PACRGL: variants seen among roughly 807,000 people sequenced by gnomAD.
The protein encoded by PACRGL is parkin coregulated like.
In PACRGL, 38 loss-of-function variants were observed where a neutral mutation model predicts 34.5. The observed-to-expected ratio is 1.10, with a 90% CI of 0.85 to 1.44. The LOEUF is 1.44. Ranked by LOEUF, PACRGL falls within the 40% of genes most tolerant of loss-of-function variation. The pLI, the probability that PACRGL is intolerant of heterozygous loss-of-function variation, is 0.00. For synonymous variants in PACRGL, 128 were observed against 100.1 expected, an observed-to-expected ratio of 1.28 and a Z score of -1.66; for missense variants, 305 against 281.4, an observed-to-expected ratio of 1.08 and a Z score of -0.60.
chr4:20,740,520 A>G (rs1750807241), intron 8 of PACRGL, among the ~76,000 whole-genome samples: 1 of 152,230 alleles, frequency 6.6e-6, no homozygotes, highest in South Asian at 2.1e-4. Flanking sequence ...AGACAAGCAA[A>G]TGCTGAGAGA....
chr4:20,726,247 C>G (rs1745572443), intron 8 of PACRGL, among the ~76,000 whole-genome samples: 1 of 152,036 alleles, frequency 6.6e-6, no homozygotes, highest in Admixed American at 6.6e-5. Context: ...GAACACAGAG[C>G]TGTAGTTGAG....
intron 8 of PACRGL, among the ~76,000 whole-genome samples, chr4:20,744,610 C>A (rs1307847585): frequency 1.3e-5 from 2 of 151,542 alleles, no homozygotes; most frequent in Non-Finnish European, 2.9e-5. Flanking sequence ...CACACGGGGG[C>A]CTGATGAGGG....
downstream of PACRGL, among the ~76,000 whole-genome samples, chr4:20,734,347 T>TTCTA (rs1439577779): frequency 6.6e-6 from 1 of 152,156 alleles, no homozygotes; most frequent in African/African-American, 2.4e-5. Flanking sequence ...TACATTTTCT[T>TTCTA]TCTATCTGAT....
downstream of PACRGL, among the ~76,000 whole-genome samples, chr4:20,735,154 A>G (rs984855488): frequency 6.6e-6 from 1 of 152,252 alleles, no homozygotes; most frequent in East Asian, 1.9e-4. Flanking sequence ...TCCATAAAAG[A>G]TAAACCAATT....
intron 5 of PACRGL, among the ~76,000 whole-genome samples, chr4:20,710,773 G>A (rs1305347204): frequency 6.6e-6 from 1 of 151,980 alleles, no homozygotes; most frequent in Non-Finnish European, 1.5e-5. Flanking sequence ...ACTCTCTTAA[G>A]AGTAAACTAA....
intron 7 of PACRGL, among the ~76,000 whole-genome samples, chr4:20,715,945 T>G (rs2149124002): frequency 6.6e-6 from 1 of 152,348 alleles, no homozygotes; most frequent in Middle Eastern, 3.4e-3. Context: ...ACTATGAATG[T>G]AAGCAGTGCC....
chr4:20,724,409 A>G (rs990759959), intron 7 of PACRGL, among the ~76,000 whole-genome samples: 4 of 152,188 alleles, frequency 2.6e-5, no homozygotes, highest in Non-Finnish European at 5.9e-5. Flanking sequence ...TCCCCAGGGC[A>G]TTCACTCTTA....
intron 8 of PACRGL, chr4:20,749,641 T>C (rs761164144): frequency 2.6e-6 from 4 of 1,534,260 alleles, no homozygotes; most frequent in Admixed American, 1.7e-5. Flanking sequence ...TCAAATGATA[T>C]GAAAATAATC....
In PACRGL at chr4:20,731,461, TAC is replaced by T. The variant is rs1748183960; in HGVS notation, c.*4121_*4122del. 1.0e-6 allele frequency: 1 copy of T among 985,190 alleles called. No individual in the cohort carries two copies. The highest frequency in any genetic ancestry group is 1.7e-5 in the African/African-American group (1 of 57,252). 61.0% of individuals were successfully genotyped at this position (985,190 alleles called of 1,614,324 possible). ...ACTGGTTTCTTTGATAACAGGCTACTACCTGGAGTTCTCTTCAGAGAAAATTT... is the reference window on the plus strand; with the variant it reads ...ACTGGTTTCTTTGATAACAGGCTACTCTGGAGTTCTCTTCAGAGAAAATTT... On this transcript the variant is annotated 3_prime_UTR_variant, in exon 9 of 9. Coordinates refer to ENST00000503585, the MANE Select transcript of PACRGL (RefSeq NM_001258345.3).
At chr4:20,719,624 A>C (rs541232134) in intron 7 of PACRGL, among the ~76,000 whole-genome samples, 1 of 152,260 alleles carries the variant, frequency 6.6e-6, no homozygotes, top group East Asian at 1.9e-4. Flanking sequence ...TTCAGTTTCC[A>C]TGTAGTTGAG....
intron 7 of PACRGL, among the ~76,000 whole-genome samples, chr4:20,714,717 C>T (rs1738979566): frequency 2.0e-5 from 3 of 152,000 alleles, no homozygotes; most frequent in South Asian, 2.1e-4. Context: ...ATCAAAACCA[C>T]AATGAGATAC....
At chr4:20,707,690 T>C (rs1735165744) in intron 3 of PACRGL, 113 bp from the exon 4 acceptor site, 5 of 780,994 alleles carry the variant, frequency 6.4e-6, no homozygotes, top group Non-Finnish European at 1.1e-5. Flanking sequence ...ACTGTGTTGC[T>C]GAGTAGAAAC....
chr4:20,758,856 A>T, the PACRGL span: 2 of 1,613,394 alleles, frequency 1.2e-6, no homozygotes, highest in Admixed American at 3.3e-5. Flanking sequence ...AATCTCTTTG[A>T]AGGTTTCTTC....
At chr4:20,724,945 A>G in intron 8 of PACRGL, 57 bp downstream of exon 8, 1 of 948,724 alleles carries the variant, frequency 1.1e-6, no homozygotes, top group Non-Finnish European at 1.5e-6. Context: ...GTATTACTAA[A>G]TTGACATATA....
chr4:20,733,619 TTGAGA>T (rs1748884831), downstream of PACRGL, among the ~76,000 whole-genome samples: 1 of 152,188 alleles, frequency 6.6e-6, no homozygotes, highest in Non-Finnish European at 1.5e-5. Flanking sequence ...GGCAGAATTC[TTGAGA>T]TGTGTTAAAC....
At chr4:20,699,412 TAG>T (rs1731476694), upstream of PACRGL, among the ~76,000 whole-genome samples, 1 of 152,168 alleles carries the variant, frequency 6.6e-6, no homozygotes, top group African/African-American at 2.4e-5. Flanking sequence ...AAATTAGACA[TAG>T]ACAGAATTTA....
chr4:20,762,978 A>G, the PACRGL span, among the ~76,000 whole-genome samples: 2 of 152,144 alleles, frequency 1.3e-5, no homozygotes, highest in African/African-American at 4.8e-5. Flanking sequence ...TGCTGAGTGA[A>G]AGGCAGGAGC....
At chr4:20,713,687 G>GT (rs1347773787) in intron 7 of PACRGL, 148 bp downstream of exon 7, 3 of 570,826 alleles carry the variant, frequency 5.3e-6, no homozygotes, top group Non-Finnish European at 9.0e-6. Context: ...AGAGATTCTG[G>GT]TATGTTGTGT....
intron 7 of PACRGL, chr4:20,716,057 AC>A (rs1578227147): frequency 6.8e-7 from 1 of 1,479,646 alleles, no homozygotes; most frequent in East Asian, 2.5e-5. Flanking sequence ...TCAGGAAGAG[AC>A]CTTTTCCTGA....
Sources: gnomAD v4.1 joint callset for allele counts (sites outside exome capture counted in the v4.1 genomes callset) on GRCh38, gnomAD v4.1.1 for gene constraint, MANE v1.5 for transcripts, NCBI Gene and HGNC (gene_info 2026-07-23, HGNC 2026-07-21) for gene names.